CDH12: variants seen among roughly 807,000 people sequenced by gnomAD.
CDH12 encodes the protein cadherin 12.
Under a neutral mutation model 74.1 loss-of-function variants are expected in CDH12, and 41 were observed. The observed-to-expected ratio is 0.55, with a 90% CI of 0.43 to 0.72. CDH12 has a LOEUF of 0.72. CDH12 is among the 30% of genes least tolerant of loss of function. The probability of loss-of-function intolerance (pLI) is 0.00; values close to 1 mark genes in which losing one functional copy is unlikely to be tolerated. For missense variants in CDH12, 945 were observed against 977.2 expected, an observed-to-expected ratio of 0.97 and a Z score of 0.44; for synonymous variants, 399 against 355.0, an observed-to-expected ratio of 1.12 and a Z score of -1.39.
intron 1 of CDH12, among the ~76,000 whole-genome samples, chr5:22,615,859 T>A (rs427692): frequency 6.6e-6 from 1 of 151,856 alleles, no homozygotes; most frequent in Non-Finnish European, 1.5e-5. Context: ...ATGTGTAAGC[T>A]TTGAGGGGGT....
intron 5 of CDH12, among the ~76,000 whole-genome samples, chr5:22,023,111 T>C (rs578098950): frequency 6.6e-6 from 1 of 152,266 alleles, no homozygotes; most frequent in South Asian, 2.1e-4. Flanking sequence ...TCTTACATTA[T>C]CCACTCTTGA....
chr5:21,757,022 A>T (rs1003950369), intron 13 of CDH12, among the ~76,000 whole-genome samples: 2 of 152,210 alleles, frequency 1.3e-5, no homozygotes, highest in Non-Finnish European at 2.9e-5. Flanking sequence ...GAAAAGGAAC[A>T]GGCTAGGAAT....
chr5:21,806,748 C>T (rs944993520), intron 9 of CDH12, among the ~76,000 whole-genome samples: 1 of 152,204 alleles, frequency 6.6e-6, no homozygotes, highest in Non-Finnish European at 1.5e-5. Context: ...AAGATTATGA[C>T]AGTGAGGGAA....
intron 3 of CDH12, among the ~76,000 whole-genome samples, chr5:22,241,456 G>GT (rs987465156): frequency 3.3e-5 from 5 of 151,710 alleles, no homozygotes; most frequent in South Asian, 2.1e-4. Context: ...TGTTTAAATT[G>GT]TTTTTTTATT....
rs562152643 is a variant in CDH12, at chr5:22,032,481, C to A, written c.231+45965G>T. Among the ~76,000 whole-genome samples, 23 of 151,978 alleles carry A rather than the reference C, an allele frequency of 1.5e-4. No individual in the cohort carries two copies. In the South Asian group the frequency reaches 4.6e-3, roughly 30 times the overall value. ...AATCCCAGAACTTTGGAAGCTGAGGCAGGTGGATCACCTGAGGTTGGGCAT... is the reference window on the plus strand; with the variant it reads ...AATCCCAGAACTTTGGAAGCTGAGGAAGGTGGATCACCTGAGGTTGGGCAT... On this transcript the variant is annotated intron_variant, in intron 5 of 14. Coordinates refer to ENST00000382254, the MANE Select transcript of CDH12 (RefSeq NM_004061.5).
At chr5:22,412,394 G>A (rs1426795456) in intron 2 of CDH12, among the ~76,000 whole-genome samples, 5 of 151,798 alleles carry the variant, frequency 3.3e-5, no homozygotes, top group Admixed American at 6.6e-5. Context: ...ACCACACACC[G>A]TTAACTATTA....
At chr5:22,096,860 A>T (rs893839493) in intron 4 of CDH12, among the ~76,000 whole-genome samples, 1 of 152,114 alleles carries the variant, frequency 6.6e-6, no homozygotes, top group Non-Finnish European at 1.5e-5. Flanking sequence ...TTTATTACCC[A>T]ATCTGCTCCC....
chr5:21,900,583 C>T (rs1452621386), intron 6 of CDH12, among the ~76,000 whole-genome samples: 1 of 152,160 alleles, frequency 6.6e-6, no homozygotes, highest in Non-Finnish European at 1.5e-5. Flanking sequence ...ACCGTAACAA[C>T]CAAATGCTGG....
At chr5:22,418,009 G>A (rs943846240) in intron 2 of CDH12, among the ~76,000 whole-genome samples, 1 of 152,096 alleles carries the variant, frequency 6.6e-6, no homozygotes, top group African/African-American at 2.4e-5. Context: ...GTTCTTAATA[G>A]GGATAGCTTT....
At chr5:22,469,105 T>A (rs1158453801) in intron 2 of CDH12, among the ~76,000 whole-genome samples, 4 of 152,168 alleles carry the variant, frequency 2.6e-5, no homozygotes, top group Admixed American at 6.5e-5. Context: ...GGAAAAATTA[T>A]CATCATCAAG....
At chr5:22,834,488 T>G (rs926363765) in intron 1 of CDH12, among the ~76,000 whole-genome samples, 4 of 152,140 alleles carry the variant, frequency 2.6e-5, no homozygotes, top group African/African-American at 4.8e-5. Context: ...ATGTTTTCTT[T>G]CACTGTGATT....
At chr5:22,688,956 G>T (rs1392160151) in intron 1 of CDH12, among the ~76,000 whole-genome samples, 2 of 152,086 alleles carry the variant, frequency 1.3e-5, no homozygotes, top group Non-Finnish European at 2.9e-5. Context: ...GGCGTTAAAT[G>T]ATTGGTTTCA....
chr5:22,021,581 C>T (rs115293805), intron 5 of CDH12, among the ~76,000 whole-genome samples: 3,920 of 152,266 alleles, frequency 0.026, 168 homozygotes, highest in African/African-American at 0.089. Flanking sequence ...GAAACTTACT[C>T]TGAGTACTCG....
intron 7 of CDH12, among the ~76,000 whole-genome samples, chr5:21,842,811 A>G (rs1749946711): frequency 1.3e-5 from 2 of 152,138 alleles, no homozygotes; most frequent in African/African-American, 4.8e-5. Context: ...TGCATTCAAT[A>G]TCTTCATTAC....
At chr5:22,497,660 T>TTC (rs1169553695) in intron 2 of CDH12, among the ~76,000 whole-genome samples, 2,401 of 144,916 alleles carry the variant, frequency 0.017, 74 homozygotes, top group Admixed American at 0.06. Context: ...TTTTTTTTTT[T>TTC]GAGATGTAAT....
chr5:22,561,520 CT>C (rs560005950), intron 1 of CDH12, among the ~76,000 whole-genome samples: 174 of 151,454 alleles, frequency 1.1e-3, no homozygotes, highest in African/African-American at 4.0e-3. Context: ...TTTTTTCCAC[CT>C]AAGGGAGCTG....
rs1011844230 is a variant in CDH12, at chr5:22,649,138, C to A, written c.-522-143774G>T. Among the ~76,000 whole-genome samples the A allele has an allele frequency of 2.0e-5, 3 of 152,074 alleles. No individual in the cohort carries two copies. In the East Asian group the frequency reaches 5.8e-4, roughly 29 times the overall value. ...AGGAGGGTGAAATGAGGACTAAGGTCTTGGATGTGAAGTCTCTGTAATAAA... is the reference window on the plus strand; with the variant it reads ...AGGAGGGTGAAATGAGGACTAAGGTATTGGATGTGAAGTCTCTGTAATAAA... On this transcript the variant is annotated intron_variant, in intron 1 of 14. Coordinates refer to ENST00000382254, the MANE Select transcript of CDH12 (RefSeq NM_004061.5).
At chr5:22,423,542 C>G (rs1023981047) in intron 2 of CDH12, among the ~76,000 whole-genome samples, 4 of 152,186 alleles carry the variant, frequency 2.6e-5, no homozygotes, top group African/African-American at 9.7e-5. Flanking sequence ...AAAAGCTATT[C>G]TTGTCTCACA....
chr5:22,789,483 G>A (rs1042864188), intron 1 of CDH12, among the ~76,000 whole-genome samples: 5 of 152,058 alleles, frequency 3.3e-5, no homozygotes, highest in African/African-American at 1.2e-4. Flanking sequence ...TAAGCATACA[G>A]ATGTTAATGC....
Sources: allele counts gnomAD v4.1 joint callset (sites outside exome capture counted in the v4.1 genomes callset), GRCh38; gene constraint gnomAD v4.1.1; transcripts MANE v1.5; gene names NCBI Gene and HGNC (gene_info 2026-07-23, HGNC 2026-07-21).